Variants in GRAMD4 observed in about 807,000 individuals in gnomAD.
GRAMD4 encodes GRAM domain-containing protein 4.
In GRAMD4, 25 loss-of-function variants were observed where a neutral mutation model predicts 83.9. The observed-to-expected ratio is 0.30, with a 90% CI of 0.22 to 0.42. GRAMD4 has a LOEUF of 0.42. Ranked by LOEUF, GRAMD4 falls within the 10% of genes least tolerant of loss-of-function variation. The probability of loss-of-function intolerance (pLI) is 1.00; values close to 1 mark genes in which losing one functional copy is unlikely to be tolerated. For synonymous variants in GRAMD4, 336 were observed against 320.9 expected (o/e 1.05, Z -0.50); for missense variants, 593 against 788.7 (o/e 0.75, Z 2.97).
In GRAMD4 at chr22:46,672,156, G is replaced by A. The variant is rs1162661795; in HGVS notation, c.1085-687G>A. Among the ~76,000 whole-genome samples the A allele has an allele frequency of 1.3e-5, 2 of 152,220 alleles. No individual in the cohort carries two copies. Among genetic ancestry groups the A allele is most frequent in the African/African-American group, 2.4e-5 (1 of 41,456 alleles). On this transcript the variant is annotated intron_variant, in intron 13 of 18. Transcript: ENST00000406902. This position sits in a 1 kb window ranked among gnomAD's most constrained non-coding sequence, Gnocchi z 4.7. ...TAGCAGGTGTGTGGGGGCCGGCCCC[G>A]CCTCCCATCCCTGCATCTGTTGCCA...
chr22:46,648,935 C>G (rs71311628), intron 3 of GRAMD4, among the ~76,000 whole-genome samples: 4,120 of 45,028 alleles, frequency 0.091, 72 homozygotes, highest in Middle Eastern at 0.14. Flanking sequence ...TGGATGGATG[C>G]ATGGATGGAT....
chr22:46,615,966 C>T (rs1197553246), upstream of GRAMD4, among the ~76,000 whole-genome samples: 1 of 92,258 alleles, frequency 1.1e-5, no homozygotes, highest in African/African-American at 4.6e-5. Context: ...AAGTTCCCCC[C>T]TGTGTAGGTT....
At chr22:46,635,146 T>C in intron 2 of GRAMD4, among the ~76,000 whole-genome samples, 1 of 140,774 alleles carries the variant, frequency 7.1e-6, no homozygotes, top group Admixed American at 7.0e-5. Context: ...GTGTCCTCCC[T>C]GCCTCCACCC....
intron 1 of GRAMD4, among the ~76,000 whole-genome samples, chr22:46,595,461 G>A (rs537683194): frequency 3.3e-4 from 51 of 152,370 alleles, no homozygotes; most frequent in Middle Eastern, 3.4e-3. Context: ...GTCTGGAAAG[G>A]GGAGGTGGCG....
chr22:46,616,122 G>T (rs1226240305), upstream of GRAMD4, among the ~76,000 whole-genome samples: 1 of 144,474 alleles, frequency 6.9e-6, no homozygotes, highest in East Asian at 2.2e-4. Flanking sequence ...TCCCCTGTGC[G>T]TGCAGGTTCC....
chr22:46,679,832 C>T (rs1436544108), downstream of GRAMD4: 22 of 978,900 alleles, frequency 2.2e-5, no homozygotes, highest in African/African-American at 8.8e-5. Flanking sequence ...GCATTGTAGG[C>T]GGCCTGAGCC....
intron 2 of GRAMD4, among the ~76,000 whole-genome samples, chr22:46,637,209 A>T (rs773819756): frequency 4.6e-5 from 7 of 151,002 alleles, no homozygotes; most frequent in Non-Finnish European, 1.0e-4. Context: ...GCCTGAGGAG[A>T]TCAGGATCAC....
chr22:46,607,537 C>T (rs902340416), intron 1 of GRAMD4, among the ~76,000 whole-genome samples: 9 of 152,132 alleles, frequency 5.9e-5, no homozygotes, highest in African/African-American at 1.9e-4. Context: ...CCACCATTAA[C>T]GTGGGGGTGC....
chr22:46,644,628 G>T (rs2082041411), intron 3 of GRAMD4, among the ~76,000 whole-genome samples: 1 of 147,118 alleles, frequency 6.8e-6, no homozygotes, highest in South Asian at 2.1e-4. Context: ...ACCTGTCCCT[G>T]TTCTGGGTTA....
chr22:46,636,436 C>T (rs1414545440), intron 2 of GRAMD4, among the ~76,000 whole-genome samples: 1 of 152,226 alleles, frequency 6.6e-6, no homozygotes, highest in African/African-American at 2.4e-5. Context: ...TGTGGGAGGT[C>T]GGGCACCCAG....
intron 1 of GRAMD4, among the ~76,000 whole-genome samples, chr22:46,598,290 T>G (rs1031078673): frequency 4.6e-5 from 7 of 151,910 alleles, no homozygotes; most frequent in Non-Finnish European, 1.0e-4. Context: ...CTGGGTGGCG[T>G]TTTTTTGGTG....
chr22:46,607,478 G>A (rs2147077181), intron 1 of GRAMD4, among the ~76,000 whole-genome samples: 1 of 152,276 alleles, frequency 6.6e-6, no homozygotes, highest in Non-Finnish European at 1.5e-5. Context: ...GTCAGGTGCG[G>A]CCAGGAGGCA....
intron 6 of GRAMD4, among the ~76,000 whole-genome samples, chr22:46,663,409 T>G (rs572959851): frequency 6.6e-6 from 1 of 152,330 alleles, no homozygotes; most frequent in East Asian, 1.9e-4. Context: ...CTGTGGCTTG[T>G]GACAGTTGTG....
chr22:46,627,905 C>A (rs972661268), intron 2 of GRAMD4, among the ~76,000 whole-genome samples: 2 of 152,268 alleles, frequency 1.3e-5, no homozygotes, highest in African/African-American at 4.8e-5. Context: ...AGTGCCCGGC[C>A]TGCCGGGATC....
intron 1 of GRAMD4, among the ~76,000 whole-genome samples, chr22:46,607,597 C>G (rs559347471): frequency 1.3e-5 from 2 of 152,342 alleles, no homozygotes; most frequent in African/African-American, 4.8e-5. Context: ...TGGATGCATC[C>G]TGACATGCCT....
chr22:46,666,852 G>T lies in GRAMD4; in HGVS notation c.837G>T (p.Val279=). The T allele has an allele frequency of 6.2e-7, 1 of 1,605,540 alleles. No individual in the cohort carries two copies. The highest frequency in any genetic ancestry group is 1.1e-5 in the South Asian group (1 of 90,120). The part of the protein sequence containing the change: ...ARGWRIQWSI[V]PEVSEPVEPP... ...GGTGGCGGATACAGTGGAGCATCGT[G>T]CCCGAAGTGTCTGAGCCCGTGGTAA... is the stretch of plus-strand genomic sequence containing the variant. Residue 279 remains valine, a synonymous_variant, in exon 10 of 19, where the codon GTG becomes GTT. Transcript: ENST00000406902.
chr22:46,577,610 G>A (rs1480760651), intron 1 of GRAMD4, among the ~76,000 whole-genome samples: 1 of 151,860 alleles, frequency 6.6e-6, no homozygotes, highest in Non-Finnish European at 1.5e-5. Flanking sequence ...GCCGGACCGG[G>A]GGTCACCGAC....
intron 3 of GRAMD4, among the ~76,000 whole-genome samples, chr22:46,644,697 GTTTTT>G (rs71192437): frequency 5.8e-3 from 564 of 96,948 alleles, no homozygotes; most frequent in East Asian, 0.019. Context: ...CTTGTTCCCT[GTTTTT>G]TTTTTTTTTT....
Position 46,673,845 on chromosome 22 carries a change from G to A in GRAMD4, c.1384+31G>A, listed in dbSNP as rs750881299. The A allele has an allele frequency of 9.3e-6, 15 of 1,610,062 alleles. No individual in the cohort carries two copies. In the Middle Eastern group the frequency reaches 4.9e-4, roughly 53 times the overall value. On this transcript the variant is annotated intron_variant, in intron 15 of 18. Transcript: ENST00000406902. ...TGTGCCGTGAGTCTGAGGCCAGGCC[G>A]AGCGCCGACACAGACTGAAGGCCCG...
Sources: allele counts gnomAD v4.1 joint callset (sites outside exome capture counted in the v4.1 genomes callset), GRCh38; gene constraint gnomAD v4.1.1; non-coding constraint Gnocchi (gnomAD v3.1); transcripts MANE v1.5; gene names NCBI Gene and HGNC (gene_info 2026-07-23, HGNC 2026-07-21).